The following TDRD9 variants were observed in gnomAD, a reference collection of about 807,000 sequenced individuals.
TDRD9 encodes the protein ATP-dependent RNA helicase TDRD9.
A neutral mutation model predicts 172.6 loss-of-function variants in TDRD9; 124 were observed. The observed-to-expected ratio is 0.72, with a 90% CI of 0.62 to 0.83. The LOEUF (loss-of-function observed/expected upper bound fraction) is 0.83, where lower values mean the gene tolerates loss of function less well. Ranked by LOEUF, TDRD9 falls within the 40% of genes least tolerant of loss-of-function variation. The probability of loss-of-function intolerance (pLI) is 0.00; values close to 1 mark genes in which losing one functional copy is unlikely to be tolerated. For missense variants in TDRD9, 1,479 were observed against 1,714.1 expected (o/e 0.86, Z 2.42); for synonymous variants, 619 against 617.1 (o/e 1.00, Z -0.05).
chr14:103,941,466 G>A, intron 1 of TDRD9: 1 of 1,535,338 alleles, frequency 6.5e-7, no homozygotes, highest in Non-Finnish European at 8.7e-7. Context: ...TCTTTGTTCA[G>A]TCACTGGGAT....
chr14:103,963,925 G>A (rs781291757), intron 3 of TDRD9, among the ~76,000 whole-genome samples: 1 of 152,196 alleles, frequency 6.6e-6, no homozygotes, highest in African/African-American at 2.4e-5. Context: ...AGTTCTGGAG[G>A]AGGAATTTGA....
intron 23 of TDRD9, among the ~76,000 whole-genome samples, chr14:104,020,432 G>A (rs893665154): frequency 6.6e-6 from 1 of 152,164 alleles, no homozygotes; most frequent in Non-Finnish European, 1.5e-5. Flanking sequence ...AAGAGCATCC[G>A]GCTTTCCAGC....
chr14:103,966,594 T>C, intron 4 of TDRD9, 115 bp from the exon 5 acceptor site: 1 of 1,036,096 alleles, frequency 9.7e-7, no homozygotes, highest in Non-Finnish European at 1.3e-6. Flanking sequence ...GGAGCCTGTG[T>C]ATCTTTCGAA....
chr14:103,969,025 G>A (rs1244773003), intron 5 of TDRD9, among the ~76,000 whole-genome samples: 3 of 150,016 alleles, frequency 2.0e-5, no homozygotes, highest in Non-Finnish European at 3.0e-5. Flanking sequence ...GCGTGAACCC[G>A]GGAGGCGGAG....
At chr14:103,977,630 CTTTTTT>C (rs766681794) in intron 7 of TDRD9, among the ~76,000 whole-genome samples, 5 of 114,444 alleles carry the variant, frequency 4.4e-5, no homozygotes, top group African/African-American at 1.3e-4. Flanking sequence ...TGATTTCTTT[CTTTTTT>C]TTTTTTTTTT....
chr14:103,987,198 A>G (rs963252134), intron 8 of TDRD9, among the ~76,000 whole-genome samples: 4 of 151,942 alleles, frequency 2.6e-5, no homozygotes, highest in Non-Finnish European at 5.9e-5. Flanking sequence ...TAATTTTACT[A>G]CATCTGTCTC....
At chr14:104,010,556 CTTTG>C (rs905417760) in intron 20 of TDRD9, among the ~76,000 whole-genome samples, 18 of 141,052 alleles carry the variant, frequency 1.3e-4, no homozygotes, top group Admixed American at 2.2e-4. Context: ...TTATAATTAA[CTTTG>C]TTTGTTTCCT....
rs376816009 is a variant in TDRD9 at position 103,970,547 on chromosome 14, G to A, written c.772G>A (p.Glu258Lys). 7.1e-6 allele frequency: 11 copies of A among 1,551,438 alleles called. No homozygotes were observed. Among genetic ancestry groups the A allele is most frequent in the East Asian group, 2.4e-5 (1 of 40,940 alleles). ...CCCCTTTTTTATTTTGTAGGTACACGAACGAACAGAAGAAATGGATTTCCT... is the reference window on the plus strand; with the variant it reads ...CCCCTTTTTTATTTTGTAGGTACACAAACGAACAGAAGAAATGGATTTCCT... ...FTHIIIDEVH[E>K]RTEEMDFLLL... is the part of the protein sequence containing the mutation. The change falls in exon 6 of 36, where the codon GAA (glutamate) becomes AAA (lysine). Residue 258 changes from glutamate (E) to lysine (K), a missense_variant. Transcript: ENST00000409874.
At chr14:104,022,642 G>A (rs1229440648) in intron 24 of TDRD9, among the ~76,000 whole-genome samples, 2 of 152,024 alleles carry the variant, frequency 1.3e-5, no homozygotes, top group East Asian at 3.9e-4. Context: ...CAGGAGAATT[G>A]CTTGAACCCA....
intron 9 of TDRD9, among the ~76,000 whole-genome samples, chr14:103,993,631 C>G (rs1004770938): frequency 3.1e-4 from 47 of 152,212 alleles, no homozygotes; most frequent in Non-Finnish European, 8.8e-5. Context: ...TGCTCCTTGA[C>G]CTGTGGCTAC....
At position 103,970,573 on chromosome 14, in the gene TDRD9, G is replaced by A; in HGVS notation, c.798G>A (p.Leu266=). 1 of 1,551,734 alleles carries A rather than the reference G, an allele frequency of 6.4e-7. No individual in the cohort carries two copies. The highest frequency in any genetic ancestry group is 1.2e-5 in the South Asian group (1 of 84,054). The part of the protein sequence containing the change: ...VHERTEEMDF[L]LLVVRKLLRT... The stretch of plus-strand genomic sequence containing the variant: ...AACGAACAGAAGAAATGGATTTCCT[G>A]CTATTGGTAGTCCGCAAACTCTTAA... The change falls in exon 6 of 36, where the codon CTG becomes CTA. Residue 266 remains leucine, a synonymous_variant. Coordinates refer to ENST00000409874, the MANE Select transcript of TDRD9 (RefSeq NM_153046.3).
In TDRD9 at chr14:103,928,467, G is replaced by C; in HGVS notation, c.-43G>C. 1.1e-5 allele frequency: 16 copies of C among 1,423,576 alleles called. No homozygotes were observed. The highest frequency in any genetic ancestry group is 1.4e-5 in the Non-Finnish European group (15 of 1,079,188). The allele number at this position is 1,423,576 out of a possible 1,614,324, so 88.2% of individuals were successfully genotyped here. ...TTCCGCCGTCGCCTGTTCCCGCCGCGGAGACCCGGCAGTTGGGGGATGCCG... is the reference window on the plus strand; with the variant it reads ...TTCCGCCGTCGCCTGTTCCCGCCGCCGAGACCCGGCAGTTGGGGGATGCCG... On this transcript the variant is annotated 5_prime_UTR_variant, in exon 1 of 36. Transcript: ENST00000409874.
At chr14:103,952,211 T>C (rs2031937247) in intron 1 of TDRD9, among the ~76,000 whole-genome samples, 1 of 81,242 alleles carries the variant, frequency 1.2e-5, no homozygotes, top group Non-Finnish European at 2.2e-5. Flanking sequence ...TATATATATA[T>C]ATATATATAT....
intron 22 of TDRD9, among the ~76,000 whole-genome samples, chr14:104,016,816 C>T (rs964681974): frequency 7.2e-5 from 11 of 152,148 alleles, no homozygotes; most frequent in Non-Finnish European, 1.0e-4. Context: ...CGTGTCATAT[C>T]GTAAGGGCTC....
intron 1 of TDRD9, among the ~76,000 whole-genome samples, chr14:103,948,009 AAAAC>A (rs1394135856): frequency 1.3e-5 from 2 of 152,116 alleles, no homozygotes; most frequent in Non-Finnish European, 2.9e-5. Flanking sequence ...CAACAAGAAA[AAAAC>A]AGATTTTTAT....
intron 4 of TDRD9, 145 bp from the exon 5 acceptor site, chr14:103,966,564 G>C (rs2032756189): frequency 8.6e-6 from 7 of 814,544 alleles, no homozygotes; most frequent in Non-Finnish European, 1.2e-5. Context: ...TAATTGACTT[G>C]AGAATGTCAC....
chr14:104,015,981 G>T lies in TDRD9; in HGVS notation c.2224G>T (p.Val742Phe). The change falls in exon 22 of 36, where the codon GTT becomes TTT. Residue 742 changes from valine to phenylalanine, a missense_variant and splice_region_variant. Val to Phe is a conservative substitution (Grantham distance 50, BLOSUM62 -1). Coordinates refer to ENST00000409874, the MANE Select transcript of TDRD9 (RefSeq NM_153046.3). ...YIYKQRFILQ[V>F]VLAGAFYPNY... ...TCATGAAAATAAATTTCTTTTTCAGGTTGTATTGGCAGGTGCTTTCTATCC... is the reference window on the plus strand; with the variant it reads ...TCATGAAAATAAATTTCTTTTTCAGTTTGTATTGGCAGGTGCTTTCTATCC... 6.3e-7 allele frequency: 1 copy of T among 1,582,278 alleles called. No individual in the cohort carries two copies. Among genetic ancestry groups the T allele is most frequent in the Non-Finnish European group, 8.6e-7 (1 of 1,163,636 alleles).
intron 23 of TDRD9, among the ~76,000 whole-genome samples, chr14:104,020,758 G>A (rs1168279222): frequency 6.6e-6 from 1 of 152,132 alleles, no homozygotes; most frequent in Admixed American, 6.5e-5. Context: ...TTTTATAGTA[G>A]AGGAAGGGGC....
At chr14:103,936,120 T>C (rs2030746277) in intron 1 of TDRD9, among the ~76,000 whole-genome samples, 1 of 152,156 alleles carries the variant, frequency 6.6e-6, no homozygotes, top group Admixed American at 6.5e-5. Context: ...CTCCCTCTGT[T>C]GCCCCACATG....
Sources: allele counts gnomAD v4.1 joint callset (sites outside exome capture counted in the v4.1 genomes callset), GRCh38; gene constraint gnomAD v4.1.1; transcripts MANE v1.5; gene names NCBI Gene and HGNC (gene_info 2026-07-23, HGNC 2026-07-21).